TRAPPC10: variants seen among roughly 807,000 people sequenced by gnomAD.
The protein encoded by TRAPPC10 is TRAPP 130 kDa subunit.
A neutral mutation model predicts 125.5 loss-of-function variants in TRAPPC10; 23 were observed. That is an observed-to-expected ratio of 0.18 (90% CI 0.13 to 0.26). The LOEUF (loss-of-function observed/expected upper bound fraction) is 0.26, where lower values mean the gene tolerates loss of function less well. Among genes scored for constraint, TRAPPC10 ranks in the 10% least tolerant of loss-of-function variants. The pLI, the probability that TRAPPC10 is intolerant of heterozygous loss-of-function variation, is 1.00. For missense variants in TRAPPC10, 1,123 were observed against 1,308.4 expected, an observed-to-expected ratio of 0.86 and a Z score of 2.19; for synonymous variants, 509 against 518.0, an observed-to-expected ratio of 0.98 and a Z score of 0.24.
intron 14 of TRAPPC10, 31 bp downstream of exon 14, chr21:44,083,333 A>C (rs778023408): frequency 6.3e-7 from 1 of 1,597,446 alleles, no homozygotes; most frequent in Admixed American, 1.7e-5. Flanking sequence ...CTTGACTTTC[A>C]AGTTTGTAAA....
rs192782398 is a variant in TRAPPC10, at chr21:44,083,408, C to T, written c.2238+106C>T. ...TGTGAATTGAGTAGAGTCCTTTGTTCTCCTAACCCTGTTTTTGTCTCTGTC... is the reference window on the plus strand; with the variant it reads ...TGTGAATTGAGTAGAGTCCTTTGTTTTCCTAACCCTGTTTTTGTCTCTGTC... On this transcript the variant is annotated intron_variant, in intron 14 of 22. Coordinates refer to ENST00000291574, the MANE Select transcript of TRAPPC10 (RefSeq NM_003274.5). 2.2e-5 allele frequency: 28 copies of T among 1,267,780 alleles called. No individual in the cohort carries two copies. In the Admixed American group the frequency reaches 4.4e-4, roughly 20 times the overall value. The allele number at this position is 1,267,780 out of a possible 1,614,324, so 78.5% of individuals were successfully genotyped here. A position where few individuals can be genotyped will look rare whatever the true frequency, so the allele number is the denominator to read the frequency against.
rs34892092 is a variant in TRAPPC10, at chr21:44,048,797, G to GTTTTTTTTTTTT, written c.286-3473_286-3462dup. ...GTGTGAGCCACCATGCCCACCCTGT[G>GTTTTTTTTTTTT]TTTTTTTTTTTTTTTTTTTTTGGTT... On this transcript the variant is annotated intron_variant, in intron 3 of 22. Transcript: ENST00000291574. Among the ~76,000 whole-genome samples the GTTTTTTTTTTTT allele has an allele frequency of 1.9e-5, 2 of 105,612 alleles. 1 individual carries two copies. The highest frequency in any genetic ancestry group is 3.9e-5 in the Non-Finnish European group (2 of 51,436). The allele number at this position is 105,612 out of a possible 152,430, so 69.3% of individuals were successfully genotyped here.
Position 44,063,928 on chromosome 21 carries a change from T to G in TRAPPC10, c.1038+143T>G, listed in dbSNP as rs1157864082. ...TGCCTTTAATTTTCAGTATATTGTT[T>G]GCTTAGTTACTTTTTACGTTGATAA... is the stretch of plus-strand genomic sequence containing the variant. On this transcript the variant is annotated intron_variant, in intron 7 of 22. Coordinates refer to ENST00000291574, the MANE Select transcript of TRAPPC10 (RefSeq NM_003274.5). The surrounding 1 kb of genome is among the most constrained non-coding windows in gnomAD (Gnocchi z 4.4). 8.2e-7 allele frequency: 1 copy of G among 1,216,092 alleles called. No individual in the cohort carries two copies. The highest frequency in any genetic ancestry group is 1.5e-5 in the African/African-American group (1 of 66,266). The allele number at this position is 1,216,092 out of a possible 1,614,324, so 75.3% of individuals were successfully genotyped here.
At position 44,059,099 on chromosome 21, in the gene TRAPPC10, A is replaced by G; in HGVS notation, c.679-4A>G. The G allele has an allele frequency of 6.3e-7, 1 of 1,583,564 alleles. No homozygotes were observed. Among genetic ancestry groups the G allele is most frequent in the Non-Finnish European group, 8.6e-7 (1 of 1,167,832 alleles). ...TTTTTAAAAAACGTATCTTGGGCGAATAGGAGGAGCTTGCCTTTGTTTTCG... is the reference window on the plus strand; with the variant it reads ...TTTTTAAAAAACGTATCTTGGGCGAGTAGGAGGAGCTTGCCTTTGTTTTCG... On this transcript the variant is annotated splice_region_variant and splice_polypyrimidine_tract_variant and intron_variant, in intron 5 of 22. Transcript: ENST00000291574. The surrounding 1 kb of genome is among the most constrained non-coding windows in gnomAD (Gnocchi z 4.4).
chr21:44,018,086 T>C, intron 1 of TRAPPC10, among the ~76,000 whole-genome samples: 2 of 152,316 alleles, frequency 1.3e-5, no homozygotes, highest in Middle Eastern at 6.8e-3. Flanking sequence ...ACAAGATGTG[T>C]TTCTGAAGAG....
rs372193300 is a variant in TRAPPC10, at chr21:44,082,979, C to G, written c.1915C>G (p.Arg639Gly). 1.2e-6 allele frequency: 2 copies of G among 1,613,984 alleles called. No individual in the cohort carries two copies. The highest frequency in any genetic ancestry group is 1.1e-5 in the South Asian group (1 of 91,072). The change falls in exon 14 of 23, where the codon CGG (arginine) becomes GGG (glycine). Residue 639 changes from arginine (R) to glycine (G), a missense_variant. Arg to Gly is a moderately radical substitution (Grantham distance 125). Coordinates refer to ENST00000291574, the MANE Select transcript of TRAPPC10 (RefSeq NM_003274.5). The surrounding 1 kb of genome is among the most constrained non-coding windows in gnomAD (Gnocchi z 4.4). ...CTTCAGCATTGAGAAAAACAGCTACCGGAAGACTGCGGAGTGGCTTACCAA... is the reference window on the plus strand; with the variant it reads ...CTTCAGCATTGAGAAAAACAGCTACGGGAAGACTGCGGAGTGGCTTACCAA... ...VHFSIEKNSY[R>G]KTAEWLTKHK... is the part of the protein sequence containing the mutation.
At chr21:44,093,913 T>C (rs1447561185) in intron 19 of TRAPPC10, 150 bp from the exon 20 acceptor site, 5 of 735,204 alleles carry the variant, frequency 6.8e-6, no homozygotes, top group Admixed American at 2.8e-5. Flanking sequence ...CTGTGGGGCC[T>C]AAAGCAGCAT....
chr21:44,080,122 G>C lies in TRAPPC10; in HGVS notation c.1718G>C (p.Ser573Thr). ...ILDFASQPSDSPGHKIVLPMH... is the reference protein window; with the variant it reads ...ILDFASQPSDTPGHKIVLPMH... ...GACTTTGCCAGCCAGCCGTCAGACA[G>C]CCCAGGTAAGACCAGTTCTTACAAC... The change falls in exon 13 of 23, where the codon AGC becomes ACC. Residue 573 changes from serine to threonine, a missense_variant. Coordinates refer to ENST00000291574, the MANE Select transcript of TRAPPC10 (RefSeq NM_003274.5). 1 of 1,613,574 alleles carries C rather than the reference G, an allele frequency of 6.2e-7. No homozygotes were observed. The highest frequency in any genetic ancestry group is 8.5e-7 in the Non-Finnish European group (1 of 1,179,606).
At chr21:44,091,687 C>T (rs796757397) in intron 18 of TRAPPC10, 1 of 365,468 alleles carries the variant, frequency 2.7e-6, no homozygotes, top group South Asian at 2.4e-5. Flanking sequence ...ATCTGCCCAC[C>T]TCGGCCTCCC....
rs138763705 is a variant in TRAPPC10, at chr21:44,075,059, A to T, written c.1206A>T (p.Leu402=). 18 of 1,613,738 alleles carry T rather than the reference A, an allele frequency of 1.1e-5. No individual in the cohort carries two copies. Among genetic ancestry groups the T allele is most frequent in the Non-Finnish European group, 1.5e-5 (18 of 1,179,710 alleles). Residue 402 remains leucine, a synonymous_variant, in exon 9 of 23, where the codon CTA becomes CTT. Transcript: ENST00000291574. ...AACAGTTAAAGTCCTTGGGCTATCTATGTGGACTTGTGTCAGAGAAAGGAC... is the reference window on the plus strand; with the variant it reads ...AACAGTTAAAGTCCTTGGGCTATCTTTGTGGACTTGTGTCAGAGAAAGGAC... The part of the protein sequence containing the change: ...ATEKLKSLGY[L]CGLVSEKGPN...
In TRAPPC10 at chr21:44,066,357, G is replaced by C. The variant is rs565057409; in HGVS notation, c.1038+2572G>C. Among the ~76,000 whole-genome samples the C allele has an allele frequency of 7.2e-4, 109 of 152,322 alleles. 1 individual carries two copies. The highest frequency in any genetic ancestry group is 2.0e-3 in the African/African-American group (83 of 41,568). ...GCCGGATAGAGGCCTCTGCCCTGTG[G>C]GTGCTGCTTACTAGCCTTGCGCACT... On this transcript the variant is annotated intron_variant, in intron 7 of 22. Coordinates refer to ENST00000291574, the MANE Select transcript of TRAPPC10 (RefSeq NM_003274.5).
chr21:44,020,377 C>T (rs893734118), intron 1 of TRAPPC10, among the ~76,000 whole-genome samples: 18 of 152,206 alleles, frequency 1.2e-4, no homozygotes, highest in African/African-American at 4.1e-4. Flanking sequence ...CTGCCCGCCT[C>T]GGCCTCTCAA....
chr21:44,061,605 A>G (rs2036064326), intron 6 of TRAPPC10, among the ~76,000 whole-genome samples: 1 of 152,188 alleles, frequency 6.6e-6, no homozygotes, highest in Non-Finnish European at 1.5e-5. Context: ...TAAAAAATAG[A>G]TTTATTTAGC....
intron 1 of TRAPPC10, among the ~76,000 whole-genome samples, chr21:44,012,960 C>A (rs1211862836): frequency 6.6e-6 from 1 of 152,190 alleles, no homozygotes; most frequent in African/African-American, 2.4e-5. Flanking sequence ...CCGCGGGCGC[C>A]CTTTCCCCGA....
At chr21:44,077,491 A>C (rs1052204761) in intron 10 of TRAPPC10, among the ~76,000 whole-genome samples, 1 of 152,236 alleles carries the variant, frequency 6.6e-6, no homozygotes, top group Non-Finnish European at 1.5e-5. Flanking sequence ...AAGCTGAGGC[A>C]CAAGAATCAC....
At chr21:44,079,451 A>C in intron 11 of TRAPPC10, 113 bp from the exon 12 acceptor site, 2 of 1,234,720 alleles carry the variant, frequency 1.6e-6, no homozygotes, top group Non-Finnish European at 2.2e-6. Context: ...AGAGATGTTG[A>C]GTCTGTCCTG....
intron 1 of TRAPPC10, among the ~76,000 whole-genome samples, chr21:44,029,091 T>G (rs1209241005): frequency 6.6e-6 from 1 of 152,206 alleles, no homozygotes; most frequent in Non-Finnish European, 1.5e-5. Context: ...CATCTTTTTT[T>G]TTGTTGTTTG....
In TRAPPC10 at chr21:44,043,414, A is replaced by G. The variant is rs146708899; in HGVS notation, c.285+5487A>G. Among the ~76,000 whole-genome samples the G allele has an allele frequency of 5.4e-3, 823 of 151,914 alleles. 2 individuals are homozygous for G. The highest frequency in any genetic ancestry group is 0.019 in the African/African-American group (784 of 41,422). On this transcript the variant is annotated intron_variant, in intron 3 of 22. Coordinates refer to ENST00000291574, the MANE Select transcript of TRAPPC10 (RefSeq NM_003274.5). The stretch of plus-strand genomic sequence containing the variant: ...TTATTAGTGGAGACGGGGTTTCACC[A>G]TATTGGCCAGGCTGGTCTCAAACTC...
At chr21:44,030,616 G>A (rs910089880) in intron 1 of TRAPPC10, among the ~76,000 whole-genome samples, 17 of 151,958 alleles carry the variant, frequency 1.1e-4, no homozygotes, top group Non-Finnish European at 1.9e-4. Context: ...ACAGGCATGC[G>A]CCACCACGCC....
Sources: gnomAD v4.1 joint callset for allele counts (sites outside exome capture counted in the v4.1 genomes callset) on GRCh38, gnomAD v4.1.1 for gene constraint, Gnocchi (gnomAD v3.1) non-coding constraint, MANE v1.5 for transcripts, NCBI Gene and HGNC (gene_info 2026-07-23, HGNC 2026-07-21) for gene names.